DENND1A: variants seen among roughly 807,000 people sequenced by gnomAD.
The protein encoded by DENND1A is DENN domain containing 1A, also known as DENN domain-containing protein 1A.
Under a neutral mutation model 113.7 loss-of-function variants are expected in DENND1A, and 51 were observed. The ratio of observed to expected loss-of-function variants is 0.45; its 90% confidence interval spans 0.36 to 0.57. The LOEUF (loss-of-function observed/expected upper bound fraction) is 0.57. Among genes scored for constraint, DENND1A ranks in the 20% least tolerant of loss-of-function variants. DENND1A has a pLI of 0.00. For synonymous variants in DENND1A, 565 were observed against 570.8 expected (o/e 0.99, Z 0.14); for missense variants, 1,258 against 1,395.9 (o/e 0.90, Z 1.57).
At position 123,620,232 on chromosome 9, in the gene DENND1A, A is replaced by AAAAAAAAAAAAAAAAAAG. The variant is rs1554916729; in HGVS notation, c.719+10143_719+10144insCTTTTTTTTTTTTTTTTT. The stretch of plus-strand genomic sequence containing the variant: ...CCATCTCAAAAAAAAAAAAAAAAAA[A>AAAAAAAAAAAAAAAAAAG]AAAAAAGAAAAGAAAAAGAAAAAAA... On this transcript the variant is annotated intron_variant, in intron 10 of 23. Transcript: ENST00000394215. 6.5e-4 allele frequency among the ~76,000 whole-genome samples: 74 copies of AAAAAAAAAAAAAAAAAAG among 114,332 alleles called. 1 individual carries two copies. The highest frequency in any genetic ancestry group is 2.2e-3 in the African/African-American group (59 of 26,802). 75.0% of individuals were successfully genotyped at this position (114,332 alleles called of 152,430 possible). A position where few individuals can be genotyped will look rare whatever the true frequency, so the allele number is the denominator to read the frequency against.
At chr9:123,399,095 C>T (rs766465961) in intron 21 of DENND1A, among the ~76,000 whole-genome samples, 2 of 152,050 alleles carry the variant, frequency 1.3e-5, no homozygotes, top group East Asian at 1.9e-4. Flanking sequence ...CGCGCCCGGC[C>T]GTGGCCTGCT....
intron 2 of DENND1A, among the ~76,000 whole-genome samples, chr9:123,826,749 T>A (rs1403464169): frequency 6.6e-6 from 1 of 152,220 alleles, no homozygotes; most frequent in East Asian, 1.9e-4. Context: ...CACAGCCCTG[T>A]GGACAAGCAT....
chr9:123,742,092 A>T (rs770399678), intron 5 of DENND1A, among the ~76,000 whole-genome samples: 1 of 152,216 alleles, frequency 6.6e-6, no homozygotes, highest in African/African-American at 2.4e-5. Flanking sequence ...TAGCGCCCCA[A>T]CGCTGTTTGT....
chr9:123,403,264 A>C, intron 21 of DENND1A, 138 bp downstream of exon 21: 1 of 786,960 alleles, frequency 1.3e-6, no homozygotes, highest in Non-Finnish European at 2.1e-6. Context: ...TGTTCCCTGA[A>C]TGACCCCTTT....
chr9:123,652,772 G>A (rs1564889438), intron 8 of DENND1A, among the ~76,000 whole-genome samples: 1 of 151,846 alleles, frequency 6.6e-6, no homozygotes, highest in Non-Finnish European at 1.5e-5. Context: ...CTCAAAAGGG[G>A]AAAAAAAATT....
intron 5 of DENND1A, among the ~76,000 whole-genome samples, chr9:123,677,318 C>T (rs1029805991): frequency 6.6e-6 from 1 of 152,214 alleles, no homozygotes; most frequent in African/African-American, 2.4e-5. Flanking sequence ...AGATGAGTTC[C>T]ACTTCCCCAT....
intron 5 of DENND1A, among the ~76,000 whole-genome samples, chr9:123,692,092 TC>T (rs1415117392): frequency 6.6e-6 from 1 of 152,172 alleles, no homozygotes; most frequent in African/African-American, 2.4e-5. Context: ...AGCTGTTCCT[TC>T]GTCTCTCCAA....
At chr9:123,569,072 G>C (rs956422355) in intron 12 of DENND1A, among the ~76,000 whole-genome samples, 1 of 152,136 alleles carries the variant, frequency 6.6e-6, no homozygotes. Flanking sequence ...GATTACAAAC[G>C]AACGAAAAAG....
intron 11 of DENND1A, among the ~76,000 whole-genome samples, chr9:123,604,624 G>A (rs2060071902): frequency 6.6e-6 from 1 of 152,198 alleles, no homozygotes; most frequent in African/African-American, 2.4e-5. Flanking sequence ...GTAGTATCAT[G>A]GCTGGAGTTA....
At chr9:123,439,920 G>A (rs561809721) in intron 19 of DENND1A, 1 of 152,528 alleles carries the variant, frequency 6.6e-6, no homozygotes, top group East Asian at 1.9e-4. Flanking sequence ...TCAGAAGCAC[G>A]ACTCCTGATA....
At chr9:123,477,229 G>T (rs993864086) in intron 13 of DENND1A, among the ~76,000 whole-genome samples, 1 of 152,164 alleles carries the variant, frequency 6.6e-6, no homozygotes, top group Non-Finnish European at 1.5e-5. Context: ...TGCTCCAGAA[G>T]ATGGGTGTAG....
intron 3 of DENND1A, 21 bp from the exon 4 acceptor site, chr9:123,769,584 A>C (rs1590011806): frequency 1.2e-6 from 2 of 1,601,068 alleles, no homozygotes; most frequent in East Asian, 4.5e-5. Flanking sequence ...AAAGAGAGAT[A>C]ATTTATACAT....
In DENND1A at chr9:123,476,183, C is replaced by CA. The variant is rs796448765; in HGVS notation, c.994-18287dup. ...TGGGTGACAGAGAGGGACCACATCT[C>CA]AAAAAAAAAAAAAATGTTCGGGAGA... On this transcript the variant is annotated intron_variant, in intron 13 of 23. Transcript: ENST00000394215. 4.3e-3 allele frequency among the ~76,000 whole-genome samples: 536 copies of CA among 123,292 alleles called. 1 individual carries two copies. The highest frequency in any genetic ancestry group is 8.4e-3 in the African/African-American group (283 of 33,524). The allele number at this position is 123,292 out of a possible 152,430, so 80.9% of individuals were successfully genotyped here.
chr9:123,470,257 G>A (rs935785716), intron 13 of DENND1A, among the ~76,000 whole-genome samples: 3 of 152,016 alleles, frequency 2.0e-5, no homozygotes, highest in African/African-American at 7.3e-5. Context: ...AGACGGTGAC[G>A]ACCCCTGTGC....
At chr9:123,585,181 A>G (rs1023184721) in intron 11 of DENND1A, among the ~76,000 whole-genome samples, 1 of 152,064 alleles carries the variant, frequency 6.6e-6, no homozygotes, top group African/African-American at 2.4e-5. Context: ...TAACTTCTCC[A>G]CGCCTCTGGG....
chr9:123,928,558 T>C, intron 1 of DENND1A: 1 of 985,372 alleles, frequency 1.0e-6, no homozygotes, highest in Non-Finnish European at 1.2e-6. Flanking sequence ...AATAAAGATT[T>C]AACAGAGTGT....
chr9:123,398,297 C>T (rs1387382505), intron 21 of DENND1A, among the ~76,000 whole-genome samples: 1 of 152,230 alleles, frequency 6.6e-6, no homozygotes, highest in Non-Finnish European at 1.5e-5. Flanking sequence ...TTAGTCTGCA[C>T]ACAGTGTGCC....
intron 12 of DENND1A, among the ~76,000 whole-genome samples, chr9:123,563,843 G>A (rs1192550075): frequency 1.3e-5 from 2 of 152,024 alleles, no homozygotes; most frequent in African/African-American, 4.8e-5. Context: ...GATTTCAAAG[G>A]CCTCAAAACC....
At chr9:123,500,841 G>A (rs2052416209) in intron 13 of DENND1A, among the ~76,000 whole-genome samples, 1 of 152,224 alleles carries the variant, frequency 6.6e-6, no homozygotes, top group Admixed American at 6.5e-5. Context: ...GATCTAACCA[G>A]TGGGCTCAAC....
Sources: allele counts gnomAD v4.1 joint callset (sites outside exome capture counted in the v4.1 genomes callset), GRCh38; gene constraint gnomAD v4.1.1; transcripts MANE v1.5; gene names NCBI Gene and HGNC (gene_info 2026-07-23, HGNC 2026-07-21).